DPP10: variants seen among roughly 807,000 people sequenced by gnomAD.
DPP10 encodes the protein dipeptidyl peptidase like 10.
Under a neutral mutation model 120.9 loss-of-function variants are expected in DPP10, and 33 were observed. That is an observed-to-expected ratio of 0.27 (90% CI 0.21 to 0.37). The LOEUF is 0.37. Among genes scored for constraint, DPP10 ranks in the 10% least tolerant of loss-of-function variants. The probability of loss-of-function intolerance (pLI) is 1.00; values close to 1 mark genes in which losing one functional copy is unlikely to be tolerated. For synonymous variants in DPP10, 337 were observed against 326.1 expected (o/e 1.03, Z -0.36); for missense variants, 816 against 942.8 (o/e 0.87, Z 1.76).
intron 1 of DPP10, among the ~76,000 whole-genome samples, chr2:114,563,738 G>A (rs1688956554): frequency 6.6e-6 from 1 of 152,026 alleles, no homozygotes; most frequent in Non-Finnish European, 1.5e-5. Flanking sequence ...TTTAAAGTTG[G>A]TTTGCAGCAC....
chr2:115,449,046 G>A (rs2072873993), intron 3 of DPP10, among the ~76,000 whole-genome samples: 2 of 152,014 alleles, frequency 1.3e-5, no homozygotes, highest in African/African-American at 4.8e-5. Flanking sequence ...TAAATATTTT[G>A]AAGGGATTTT....
chr2:115,477,698 C>T (rs1486297591), intron 3 of DPP10, among the ~76,000 whole-genome samples: 2 of 152,034 alleles, frequency 1.3e-5, no homozygotes, highest in Non-Finnish European at 2.9e-5. Context: ...CAGTACAATC[C>T]TCAATATAGA....
chr2:115,234,272 T>A (rs905549124), intron 1 of DPP10, among the ~76,000 whole-genome samples: 31 of 152,192 alleles, frequency 2.0e-4, no homozygotes, highest in Admixed American at 2.0e-4. Context: ...CTATTTTATA[T>A]ACCCTGCACT....
At chr2:114,791,283 G>A (rs1402217012) in intron 1 of DPP10, among the ~76,000 whole-genome samples, 3 of 152,162 alleles carry the variant, frequency 2.0e-5, no homozygotes, top group Non-Finnish European at 4.4e-5. Context: ...TCAGGCATAG[G>A]CTTTGGAGTC....
At chr2:115,719,475 G>C (rs1007665597) in intron 7 of DPP10, among the ~76,000 whole-genome samples, 2 of 152,074 alleles carry the variant, frequency 1.3e-5, no homozygotes, top group Non-Finnish European at 2.9e-5. Context: ...TCTCAGAGAT[G>C]GTCCCATAGA....
intron 3 of DPP10, among the ~76,000 whole-genome samples, chr2:115,431,966 T>C (rs1456282516): frequency 2.0e-5 from 3 of 152,172 alleles, no homozygotes; most frequent in East Asian, 3.9e-4. Context: ...GCAAATAAGC[T>C]GCTTTCCAAG....
chr2:115,575,047 A>G (rs2081564307), intron 5 of DPP10, among the ~76,000 whole-genome samples: 1 of 152,164 alleles, frequency 6.6e-6, no homozygotes, highest in South Asian at 2.1e-4. Context: ...ATTGTACAGC[A>G]CCTTCAACAT....
At chr2:115,153,866 G>A (rs1410564850) in intron 1 of DPP10, among the ~76,000 whole-genome samples, 1 of 151,910 alleles carries the variant, frequency 6.6e-6, no homozygotes, top group African/African-American at 2.4e-5. Flanking sequence ...TAAGTGGAGG[G>A]GCCAGTGTTT....
intron 1 of DPP10, among the ~76,000 whole-genome samples, chr2:114,582,339 T>C (rs1426310228): frequency 1.3e-5 from 2 of 152,242 alleles, no homozygotes; most frequent in Non-Finnish European, 2.9e-5. Context: ...TTCTTTCACC[T>C]ACTGAAGGAT....
intron 3 of DPP10, among the ~76,000 whole-genome samples, chr2:115,459,940 C>T (rs372534483): frequency 4.5e-5 from 1 of 22,410 alleles, no homozygotes; most frequent in African/African-American, 6.3e-5. Context: ...TATATATATA[C>T]ACACACACAC....
At position 114,967,176 on chromosome 2, in the gene DPP10, C is replaced by G. The variant is rs1574594758; in HGVS notation, c.61-342063C>G. Among the ~76,000 whole-genome samples the G allele has an allele frequency of 3.3e-5, 5 of 152,162 alleles. No individual in the cohort carries two copies. The South Asian group carries it at 1.0e-3, about 32-fold the overall frequency. ...TAATAATAGGGGATATAAAGTTGAG[C>G]CAACATTCTTATTTTAATAAAAAAA... On this transcript the variant is annotated intron_variant, in intron 1 of 25. Transcript: ENST00000410059.
chr2:114,525,135 T>G lies in DPP10; in HGVS notation c.60+82297T>G, dbSNP rs1485484513. Reference sequence around the variant, plus strand: ...ACTTTCTAAGCCTCCAGAAACTGTATCCTATGTTCCTTTATATTGTATTAG... The same window carrying G: ...ACTTTCTAAGCCTCCAGAAACTGTAGCCTATGTTCCTTTATATTGTATTAG... On this transcript the variant is annotated intron_variant, in intron 1 of 25. Coordinates refer to ENST00000410059, the MANE Select transcript of DPP10 (RefSeq NM_020868.6). Among the ~76,000 whole-genome samples, 5 of 152,308 alleles carry G rather than the reference T, an allele frequency of 3.3e-5. No homozygotes were observed. In the East Asian group the frequency reaches 7.7e-4, roughly 24 times the overall value.
chr2:114,819,254 T>C (rs1685891192), intron 1 of DPP10, among the ~76,000 whole-genome samples: 1 of 151,814 alleles, frequency 6.6e-6, no homozygotes, highest in African/African-American at 2.4e-5. Flanking sequence ...TTTCATAAAA[T>C]AATTTCAATA....
intron 1 of DPP10, among the ~76,000 whole-genome samples, chr2:114,900,122 T>C (rs1366552930): frequency 6.6e-6 from 1 of 152,226 alleles, no homozygotes; most frequent in Non-Finnish European, 1.5e-5. Context: ...ACTATTACAA[T>C]TGTGATGCCA....
intron 1 of DPP10, among the ~76,000 whole-genome samples, chr2:114,551,287 G>T (rs1035813222): frequency 1.3e-5 from 2 of 152,092 alleles, no homozygotes; most frequent in Non-Finnish European, 2.9e-5. Context: ...TCTCTGGAAT[G>T]GTCCCCATCA....
intron 1 of DPP10, among the ~76,000 whole-genome samples, chr2:115,178,964 A>G (rs2053891496): frequency 6.6e-6 from 1 of 152,250 alleles, no homozygotes; most frequent in Non-Finnish European, 1.5e-5. Flanking sequence ...CCAAACCATC[A>G]TAATCGAGGG....
intron 1 of DPP10, among the ~76,000 whole-genome samples, chr2:115,005,708 G>T (rs1701772236): frequency 6.6e-6 from 1 of 151,996 alleles, no homozygotes; most frequent in African/African-American, 2.4e-5. Context: ...CAAGAAATAT[G>T]GGACTATGTG....
At chr2:115,831,230 G>A (rs7561792) in intron 21 of DPP10, among the ~76,000 whole-genome samples, 148,915 of 152,294 alleles carry the variant, frequency 0.98, 72,918 homozygotes, top group Middle Eastern at 1. Context: ...AATTCGCACA[G>A]ATCACTTCTT....
chr2:115,013,751 G>T (rs1439091380), intron 1 of DPP10, among the ~76,000 whole-genome samples: 2 of 150,042 alleles, frequency 1.3e-5, no homozygotes, highest in Non-Finnish European at 3.0e-5. Flanking sequence ...AGGCTAAGAA[G>T]GGTATTACAT....
Sources: gnomAD v4.1 joint callset for allele counts (sites outside exome capture counted in the v4.1 genomes callset) on GRCh38, gnomAD v4.1.1 for gene constraint, MANE v1.5 for transcripts, NCBI Gene and HGNC (gene_info 2026-07-23, HGNC 2026-07-21) for gene names.